SLC38A10: variants seen among roughly 807,000 people sequenced by gnomAD.
The protein encoded by SLC38A10 is Sodium-coupled neutral amino acid transporter 10.
In SLC38A10, 53 loss-of-function variants were observed where a neutral mutation model predicts 81.0. The observed-to-expected ratio is 0.65, with a 90% confidence interval of 0.53 to 0.82. The LOEUF (loss-of-function observed/expected upper bound fraction) is 0.82, where lower values mean the gene tolerates loss of function less well. Ranked by LOEUF, SLC38A10 falls within the 40% of genes least tolerant of loss-of-function variation. The pLI is 0.00. For synonymous variants in SLC38A10, 665 were observed against 655.3 expected (o/e 1.01, Z -0.23); for missense variants, 1,471 against 1,545.0 (o/e 0.95, Z 0.80).
rs1467410006 is a variant in SLC38A10 at position 81,288,321 on chromosome 17, C to T, written c.217+1370G>A. On this transcript the variant is annotated intron_variant, in intron 2 of 15. Transcript: ENST00000374759. This position sits in a 1 kb window ranked among gnomAD's most constrained non-coding sequence, Gnocchi z 5.4. ...TCACTCTGCCGCGGGAGCTGTGAGC[C>T]CGGGGGGCAGGATGGCCTTCTGCAG... Among the ~76,000 whole-genome samples, 1 of 152,214 alleles carries T rather than the reference C, an allele frequency of 6.6e-6. No homozygotes were observed. The highest frequency in any genetic ancestry group is 1.5e-5 in the Non-Finnish European group (1 of 68,044).
intron 13 of SLC38A10, 31 bp from the exon 14 acceptor site, chr17:81,251,643 T>G: frequency 4.1e-6 from 6 of 1,456,630 alleles, no homozygotes; most frequent in African/African-American, 1.4e-5. Flanking sequence ...CAGAAGGTTT[T>G]GCAGGAAAGT....
chr17:81,264,099 C>T (rs1567934099), intron 10 of SLC38A10: 2 of 152,358 alleles, frequency 1.3e-5, no homozygotes, highest in Non-Finnish European at 2.9e-5. Context: ...GGACGTGTGA[C>T]ATAGACAAGG....
At position 81,251,820 on chromosome 17, in the gene SLC38A10, A is replaced by G. The variant is rs2062917726; in HGVS notation, c.1946-208T>C. On this transcript the variant is annotated intron_variant, in intron 13 of 15. Coordinates refer to ENST00000374759, the MANE Select transcript of SLC38A10 (RefSeq NM_001037984.3). ...ACAACCTCATAGGCTTGTGGCAATGAGCCAATGGTAACTGCCTTCGCAATT... is the reference window on the plus strand; with the variant it reads ...ACAACCTCATAGGCTTGTGGCAATGGGCCAATGGTAACTGCCTTCGCAATT... The G allele has an allele frequency of 5.3e-6, 3 of 564,044 alleles. No homozygotes were observed. In the African/African-American group the frequency reaches 5.8e-5, roughly 11 times the overall value. 34.9% of individuals were successfully genotyped at this position (564,044 alleles called of 1,614,324 possible). A position where few individuals can be genotyped will look rare whatever the true frequency, so the allele number is the denominator to read the frequency against.
rs765688913 is a variant in SLC38A10, at chr17:81,260,298, G to C, written c.1228C>G (p.Pro410Ala). The C allele has an allele frequency of 6.2e-7, 1 of 1,607,556 alleles. No homozygotes were observed. The highest frequency in any genetic ancestry group is 8.5e-7 in the Non-Finnish European group (1 of 1,177,920). ...TCGGCCTCTCCAAGCCGGCCGCCAG[G>C]GGCTTCCTCTGCCAAGTCCTCGGGG... Reference protein sequence around the residue: ...EVPEDLAEEAPGGRLGEAEGL... With the variant: ...EVPEDLAEEAAGGRLGEAEGL... The change falls in exon 11 of 16, where the codon CCT (proline) becomes GCT (alanine). Residue 410 changes from proline (P) to alanine (A), a missense_variant. Coordinates refer to ENST00000374759, the MANE Select transcript of SLC38A10 (RefSeq NM_001037984.3).
chr17:81,282,441 C>A, intron 4 of SLC38A10, 109 bp from the exon 5 acceptor site: 1 of 1,440,406 alleles, frequency 6.9e-7, no homozygotes. Flanking sequence ...CCGACGGCAT[C>A]CAGGTGAATG....
Position 81,276,703 on chromosome 17 carries a change from T to A in SLC38A10, c.729+328A>T, listed in dbSNP as rs1294992245. On this transcript the variant is annotated intron_variant, in intron 7 of 15. Coordinates refer to ENST00000374759, the MANE Select transcript of SLC38A10 (RefSeq NM_001037984.3). The surrounding 1 kb of genome is among the most constrained non-coding windows in gnomAD (Gnocchi z 4.7). ...CGGCGCCCGGCCGGAACATGCCCATTTCTACAGAGAATTAACAGAGGTCTT... is the reference window on the plus strand; with the variant it reads ...CGGCGCCCGGCCGGAACATGCCCATATCTACAGAGAATTAACAGAGGTCTT... Among the ~76,000 whole-genome samples the A allele has an allele frequency of 6.6e-6, 1 of 152,164 alleles. No individual in the cohort carries two copies. The highest frequency in any genetic ancestry group is 1.9e-4 in the East Asian group (1 of 5,190).
Position 81,253,833 on chromosome 17 carries a change from C to T in SLC38A10, c.1289-593G>A, listed in dbSNP as rs1220962612. Among the ~76,000 whole-genome samples the T allele has an allele frequency of 4.0e-5, 6 of 151,356 alleles. No homozygotes were observed. Among genetic ancestry groups the T allele is most frequent in the East Asian group, 1.9e-4 (1 of 5,176 alleles). ...TCACCGTCACCATCATCACCATCAC[C>T]GCTATCATCACCACCATCTCCATCC... On this transcript the variant is annotated intron_variant, in intron 11 of 15. Transcript: ENST00000374759. This position sits in a 1 kb window ranked among gnomAD's most constrained non-coding sequence, Gnocchi z 4.1.
In SLC38A10 at chr17:81,252,205, G is replaced by A. The variant is rs117437659; in HGVS notation, c.1935C>T (p.Asp645=). 0.014 allele frequency: 21,670 copies of A among 1,512,360 alleles called. 199 individuals carry two copies. Among genetic ancestry groups the A allele is most frequent in the Non-Finnish European group, 0.017 (19,168 of 1,134,612 alleles). The allele number at this position is 1,512,360 out of a possible 1,614,324, so 93.7% of individuals were successfully genotyped here. The change falls in exon 13 of 16, where the codon GAC becomes GAT. Residue 645 remains aspartate (D), a synonymous_variant. Transcript: ENST00000374759. ...AAGDTGQPAE[D]SDHGGKPPLP... ...CAGGCTGACACCCACCGTGGTCGCTGTCCTCTGCGGGCTGCCCTGTGTCCC... is the reference window on the plus strand; with the variant it reads ...CAGGCTGACACCCACCGTGGTCGCTATCCTCTGCGGGCTGCCCTGTGTCCC...
intron 9 of SLC38A10, 69 bp from the exon 10 acceptor site, chr17:81,271,093 T>G: frequency 7.4e-7 from 1 of 1,349,266 alleles, no homozygotes; most frequent in Non-Finnish European, 1.0e-6. Context: ...CCTGAGCTTT[T>G]GCCCTGCACA....
intron 4 of SLC38A10, among the ~76,000 whole-genome samples, chr17:81,282,963 CCGTCAGGTGGGCCT>C (rs1036471095): frequency 1.3e-5 from 2 of 152,186 alleles, no homozygotes; most frequent in African/African-American, 4.8e-5. Context: ...GTGTGTGGGC[CCGTCAGGTGGGCCT>C]CTCTGTGGTG....
At position 81,281,344 on chromosome 17, in the gene SLC38A10, G is replaced by A. The variant is rs922082781; in HGVS notation, c.502-611C>T. ...TGCCAGGGAACAGGAAGGTCCCAGG[G>A]GCTCGGGTCCTGGGGCTCCTATGGG... is the stretch of plus-strand genomic sequence containing the variant. On this transcript the variant is annotated intron_variant, in intron 5 of 15. Transcript: ENST00000374759. This position sits in a 1 kb window ranked among gnomAD's most constrained non-coding sequence, Gnocchi z 5.3. Among the ~76,000 whole-genome samples, 6 of 152,222 alleles carry A rather than the reference G, an allele frequency of 3.9e-5. No homozygotes were observed. Among genetic ancestry groups the A allele is most frequent in the African/African-American group, 1.4e-4 (6 of 41,528 alleles).
intron 11 of SLC38A10, among the ~76,000 whole-genome samples, chr17:81,258,443 C>T (rs544176963): frequency 2.6e-5 from 4 of 152,292 alleles, no homozygotes; most frequent in East Asian, 1.9e-4. Flanking sequence ...CCAGGTGAGC[C>T]GGAGGCCCAC....
intron 10 of SLC38A10, among the ~76,000 whole-genome samples, chr17:81,267,456 A>T (rs918830673): frequency 4.6e-5 from 7 of 151,178 alleles, no homozygotes; most frequent in African/African-American, 1.7e-4. Context: ...TCTAACTATG[A>T]CTCTTTCTTT....
intron 4 of SLC38A10, among the ~76,000 whole-genome samples, chr17:81,282,569 C>T (rs746345723): frequency 6.6e-6 from 1 of 152,232 alleles, no homozygotes; most frequent in African/African-American, 2.4e-5. Flanking sequence ...AGCCCCACAG[C>T]GAGACCAGCC....
chr17:81,272,067 T>C (rs2063121057), intron 9 of SLC38A10, among the ~76,000 whole-genome samples: 1 of 151,542 alleles, frequency 6.6e-6, no homozygotes, highest in African/African-American at 2.4e-5. Flanking sequence ...AGTTTCTCTC[T>C]TGTTGCCCAG....
chr17:81,267,048 GGCAACTAACAC>G (rs948067088), intron 10 of SLC38A10, among the ~76,000 whole-genome samples: 8 of 152,070 alleles, frequency 5.3e-5, no homozygotes, highest in African/African-American at 1.5e-4. Context: ...ACCAGGGTGT[GGCAACTAACAC>G]GCAACTAACA....
intron 10 of SLC38A10, among the ~76,000 whole-genome samples, chr17:81,266,312 C>T (rs1449741030): frequency 6.6e-6 from 1 of 152,204 alleles, no homozygotes; most frequent in Non-Finnish European, 1.5e-5. Context: ...TTTACACAAA[C>T]AGCCACTTAG....
At chr17:81,260,184 G>A (rs2063008643) in intron 11 of SLC38A10, 54 bp downstream of exon 11, 1 of 1,539,422 alleles carries the variant, frequency 6.5e-7, no homozygotes, top group African/African-American at 1.4e-5. Context: ...AGACCCAGGA[G>A]ACACCCAGTG....
intron 4 of SLC38A10, among the ~76,000 whole-genome samples, chr17:81,282,919 G>A (rs1431479919): frequency 6.6e-6 from 1 of 152,210 alleles, no homozygotes; most frequent in African/African-American, 2.4e-5. Context: ...GCCCTGCCCA[G>A]TGAGGGGCTC....
Sources: allele counts gnomAD v4.1 joint callset (sites outside exome capture counted in the v4.1 genomes callset), GRCh38; gene constraint gnomAD v4.1.1; non-coding constraint Gnocchi (gnomAD v3.1); transcripts MANE v1.5; gene names NCBI Gene and HGNC (gene_info 2026-07-23, HGNC 2026-07-21).